Variants in OSBPL10 observed in about 807,000 individuals in gnomAD.
The protein encoded by OSBPL10 is oxysterol-binding protein-related protein 10.
Under a neutral mutation model 81.7 loss-of-function variants are expected in OSBPL10, and 49 were observed. The observed-to-expected ratio is 0.60, with a 90% CI of 0.48 to 0.76. OSBPL10 has a LOEUF of 0.76. OSBPL10 is among the 30% of genes least tolerant of loss of function. OSBPL10 has a pLI of 0.00. For synonymous variants in OSBPL10, 419 were observed against 383.6 expected (o/e 1.09, Z -1.08); for missense variants, 923 against 987.8 (o/e 0.93, Z 0.88).
intron 2 of OSBPL10, among the ~76,000 whole-genome samples, chr3:32,001,125 C>T (rs192429428): frequency 2.6e-5 from 4 of 152,288 alleles, no homozygotes; most frequent in African/African-American, 9.6e-5. Context: ...TTCCTGAAGC[C>T]TGGCTGATCA....
At chr3:31,854,631 T>A (rs1575584473) in intron 3 of OSBPL10, among the ~76,000 whole-genome samples, 3 of 152,176 alleles carry the variant, frequency 2.0e-5, no homozygotes, top group East Asian at 1.9e-4. Flanking sequence ...ATTTCAAACT[T>A]ATAGAAAGTT....
intron 2 of OSBPL10, among the ~76,000 whole-genome samples, chr3:32,025,722 C>T (rs1268133064): frequency 6.6e-6 from 1 of 152,114 alleles, no homozygotes; most frequent in Non-Finnish European, 1.5e-5. Flanking sequence ...TTACATCTTC[C>T]TAGGAATTTG....
chr3:31,752,505 G>A (rs1171872131), intron 4 of OSBPL10, among the ~76,000 whole-genome samples: 1 of 152,206 alleles, frequency 6.6e-6, no homozygotes, highest in East Asian at 1.9e-4. Context: ...ACTTGTCAGA[G>A]AGGGAATAAA....
intron 3 of OSBPL10, among the ~76,000 whole-genome samples, chr3:31,833,021 A>G (rs1453451648): frequency 1.3e-5 from 2 of 152,246 alleles, no homozygotes; most frequent in African/African-American, 4.8e-5. Flanking sequence ...TGACTTGGAC[A>G]TAATGAATTG....
chr3:31,744,843 G>A (rs1156906012), intron 5 of OSBPL10, among the ~76,000 whole-genome samples: 2 of 151,254 alleles, frequency 1.3e-5, no homozygotes, highest in Admixed American at 6.6e-5. Flanking sequence ...TTTTCAAGAG[G>A]GATTAATTTT....
intron 3 of OSBPL10, among the ~76,000 whole-genome samples, chr3:31,855,951 CAG>C (rs1269979401): frequency 2.6e-5 from 4 of 151,996 alleles, no homozygotes; most frequent in Admixed American, 1.3e-4. Flanking sequence ...TATTTAAGTA[CAG>C]ATGTATGGTG....
chr3:31,992,101 G>A (rs1434187392), intron 2 of OSBPL10, among the ~76,000 whole-genome samples: 2 of 146,158 alleles, frequency 1.4e-5, no homozygotes, highest in Non-Finnish European at 3.0e-5. Context: ...AGCCAGGATC[G>A]CCCCACTGCA....
At chr3:31,965,332 T>C (rs1698291408) in intron 1 of OSBPL10, among the ~76,000 whole-genome samples, 1 of 141,738 alleles carries the variant, frequency 7.1e-6, no homozygotes, top group Non-Finnish European at 1.5e-5. Context: ...ATCGCACTAC[T>C]GCACTCCAGC....
At chr3:31,786,924 G>A (rs1206987899) in intron 4 of OSBPL10, among the ~76,000 whole-genome samples, 1 of 152,136 alleles carries the variant, frequency 6.6e-6, no homozygotes, top group African/African-American at 2.4e-5. Context: ...ATCTGAACCA[G>A]CGCACCTCCT....
chr3:31,733,023 A>G (rs1697026188), intron 6 of OSBPL10: 1 of 568,370 alleles, frequency 1.8e-6, no homozygotes, highest in Non-Finnish European at 3.0e-6. Context: ...TTCAATGAAA[A>G]TAGGAGATTC....
intron 2 of OSBPL10, among the ~76,000 whole-genome samples, chr3:32,003,488 C>T (rs1428304533): frequency 6.6e-6 from 1 of 152,156 alleles, no homozygotes; most frequent in African/African-American, 2.4e-5. Flanking sequence ...CCAGGCTAGC[C>T]TTTAACCAAT....
At chr3:31,994,358 G>C (rs917696440) in intron 2 of OSBPL10, among the ~76,000 whole-genome samples, 3 of 152,094 alleles carry the variant, frequency 2.0e-5, no homozygotes, top group Admixed American at 6.5e-5. Flanking sequence ...CTCATAGACT[G>C]TCCACCAAAA....
intron 1 of OSBPL10, among the ~76,000 whole-genome samples, chr3:31,949,133 AGTTTTAGGTTG>A (rs1697788293): frequency 6.6e-6 from 1 of 152,182 alleles, no homozygotes. Flanking sequence ...GGGAAAGAGG[AGTTTTAGGTTG>A]GTTTCTTAGC....
chr3:31,820,766 G>A (rs1213757136), intron 4 of OSBPL10, among the ~76,000 whole-genome samples: 1 of 152,134 alleles, frequency 6.6e-6, no homozygotes, highest in East Asian at 1.9e-4. Flanking sequence ...TTCTGCTTTG[G>A]GACTTTAACT....
intron 2 of OSBPL10, chr3:32,030,738 T>A (rs931923304): frequency 3.0e-6 from 2 of 668,468 alleles, no homozygotes; most frequent in Non-Finnish European, 5.3e-6. Flanking sequence ...AAATAAAAAA[T>A]TACTAAGCAA....
At chr3:31,893,053 A>G (rs557066151) in intron 1 of OSBPL10, among the ~76,000 whole-genome samples, 123 of 152,282 alleles carry the variant, frequency 8.1e-4, no homozygotes, top group Non-Finnish European at 1.5e-3. Context: ...AAGAGCCAGG[A>G]AGGACACGGA....
intron 5 of OSBPL10, among the ~76,000 whole-genome samples, chr3:31,740,136 C>T (rs1407877860): frequency 6.6e-6 from 1 of 151,494 alleles, no homozygotes; most frequent in African/African-American, 2.4e-5. Flanking sequence ...CTCTGCCTCC[C>T]ATGTTCAAGT....
chr3:31,726,194 A>T (rs1297664248), intron 6 of OSBPL10, among the ~76,000 whole-genome samples: 1 of 152,176 alleles, frequency 6.6e-6, no homozygotes, highest in Non-Finnish European at 1.5e-5. Flanking sequence ...ATGAAAATCC[A>T]GTGACCCACC....
intron 4 of OSBPL10, among the ~76,000 whole-genome samples, chr3:31,779,429 A>G (rs556312848): frequency 1.3e-5 from 2 of 152,330 alleles, no homozygotes; most frequent in East Asian, 3.9e-4. Context: ...TCTATCAGAC[A>G]AAGGACTTTA....
Sources: allele counts gnomAD v4.1 joint callset (sites outside exome capture counted in the v4.1 genomes callset), GRCh38; gene constraint gnomAD v4.1.1; transcripts MANE v1.5; gene names NCBI Gene and HGNC (gene_info 2026-07-23, HGNC 2026-07-21).